SLC26A2: variants seen among roughly 807,000 people sequenced by gnomAD.
SLC26A2 encodes solute carrier family 26 member 2.
In SLC26A2, 36 loss-of-function variants were observed where a neutral mutation model predicts 41.1. The observed-to-expected ratio is 0.88, with a 90% CI of 0.67 to 1.16. The LOEUF is 1.16. SLC26A2 is among the 50% of genes most tolerant of loss of function. SLC26A2 has a pLI of 0.00. For missense variants in SLC26A2, 796 were observed against 869.6 expected, an observed-to-expected ratio of 0.92 and a Z score of 1.07; for synonymous variants, 291 against 311.6, an observed-to-expected ratio of 0.93 and a Z score of 0.70.
intron 1 of SLC26A2, among the ~76,000 whole-genome samples, chr5:149,973,959 C>T (rs1346056898): frequency 6.6e-6 from 1 of 152,030 alleles, no homozygotes; most frequent in Non-Finnish European, 1.5e-5. Flanking sequence ...GCCTGGGGAG[C>T]TTAGTAGCAA....
chr5:149,976,859 G>A (rs910675428), intron 1 of SLC26A2, among the ~76,000 whole-genome samples: 5 of 152,102 alleles, frequency 3.3e-5, no homozygotes, highest in Admixed American at 6.6e-5. Flanking sequence ...ATGAATGTAG[G>A]CCCTGCCCAC....
chr5:149,964,232 C>T (rs371344844), intron 1 of SLC26A2, among the ~76,000 whole-genome samples: 1 of 152,146 alleles, frequency 6.6e-6, no homozygotes, highest in Non-Finnish European at 1.5e-5. Context: ...TTGCTCATGC[C>T]TATAATCCCA....
intron 2 of SLC26A2, 31 bp downstream of exon 2, chr5:149,978,382 T>C (rs746930905): frequency 1.3e-6 from 2 of 1,500,194 alleles, no homozygotes; most frequent in Non-Finnish European, 1.8e-6. Flanking sequence ...TGGTTATTTC[T>C]AGAAAAGTAA....
chr5:149,975,279 T>C (rs781460844), intron 1 of SLC26A2, among the ~76,000 whole-genome samples: 8 of 152,220 alleles, frequency 5.3e-5, no homozygotes, highest in African/African-American at 1.9e-4. Context: ...ATTCATCATC[T>C]CTGTTACTGT....
At chr5:149,965,198 T>C (rs184404852) in intron 1 of SLC26A2, among the ~76,000 whole-genome samples, 2 of 152,246 alleles carry the variant, frequency 1.3e-5, no homozygotes, top group East Asian at 1.9e-4. Context: ...ACAAGCTGTG[T>C]GTGGCTGGGC....
At chr5:149,978,386 AAAGT>A in intron 2 of SLC26A2, 35 bp downstream of exon 2, 1 of 1,451,694 alleles carries the variant, frequency 6.9e-7, no homozygotes, top group Non-Finnish European at 9.6e-7. Context: ...TATTTCTAGA[AAAGT>A]AATCTAGTAC....
chr5:149,967,836 ACCT>A (rs1754831411), intron 1 of SLC26A2, among the ~76,000 whole-genome samples: 1 of 151,714 alleles, frequency 6.6e-6, no homozygotes, highest in Admixed American at 6.6e-5. Flanking sequence ...TTCAACCTTG[ACCT>A]CCTTGGCTCA....
chr5:149,964,813 A>G (rs1754776291), intron 1 of SLC26A2, among the ~76,000 whole-genome samples: 1 of 152,096 alleles, frequency 6.6e-6, no homozygotes, highest in Non-Finnish European at 1.5e-5. Context: ...TAGGTTCAAT[A>G]TTAGAGGAAA....
chr5:149,965,160 G>T (rs912605527), intron 1 of SLC26A2, among the ~76,000 whole-genome samples: 2 of 152,146 alleles, frequency 1.3e-5, no homozygotes, highest in East Asian at 1.9e-4. Context: ...AATCAGGCAG[G>T]CTTGTTCAAG....
chr5:149,978,702 T>G (rs902477936), intron 2 of SLC26A2, among the ~76,000 whole-genome samples: 1 of 151,704 alleles, frequency 6.6e-6, no homozygotes, highest in Non-Finnish European at 1.5e-5. Context: ...ACTTTTTTTT[T>G]TTTTCTGGAG....
chr5:149,977,012 A>C (rs1755003650), intron 1 of SLC26A2, among the ~76,000 whole-genome samples: 1 of 152,210 alleles, frequency 6.6e-6, no homozygotes, highest in African/African-American at 2.4e-5. Context: ...TTTCCTACCA[A>C]GCAAGGGAGT....
intron 1 of SLC26A2, among the ~76,000 whole-genome samples, chr5:149,968,511 C>T (rs923139545): frequency 1.3e-5 from 2 of 149,850 alleles, no homozygotes; most frequent in Admixed American, 6.6e-5. Context: ...CCTGGGTTCA[C>T]GCCATTCTCT....
Position 149,960,833 on chromosome 5 carries a change from C to G in SLC26A2, c.-172C>G, listed in dbSNP as rs1023019875. The G allele has an allele frequency of 1.0e-4, 16 of 152,500 alleles. No individual in the cohort carries two copies. The highest frequency in any genetic ancestry group is 3.8e-4 in the African/African-American group (16 of 41,590). 9.4% of individuals were successfully genotyped at this position (152,500 alleles called of 1,614,324 possible). A position where few individuals can be genotyped will look rare whatever the true frequency, so the allele number is the denominator to read the frequency against. ...CGCCCGTAGGTCCCGGCAGCCGGGC[C>G]CCGCCTCCTTCGGAGTCCGAGCGAT... On this transcript the variant is annotated 5_prime_UTR_variant, in exon 1 of 3. Transcript: ENST00000286298.
In SLC26A2 at chr5:149,972,722, T is replaced by A. The variant is rs898757638; in HGVS notation, c.-25-4906T>A. ...TAGACAGCATATACTTGGGTCTTAT[T>A]TTTTAATCCTATCTGACAGTCTCCA... On this transcript the variant is annotated intron_variant, in intron 1 of 2. Coordinates refer to ENST00000286298, the MANE Select transcript of SLC26A2 (RefSeq NM_000112.4). Among the ~76,000 whole-genome samples, 5 of 152,218 alleles carry A rather than the reference T, an allele frequency of 3.3e-5. 1 individual carries two copies. The highest frequency in any genetic ancestry group is 2.0e-4 in the Admixed American group (3 of 15,280).
chr5:149,973,603 A>C (rs547939987), intron 1 of SLC26A2, among the ~76,000 whole-genome samples: 1 of 150,948 alleles, frequency 6.6e-6, no homozygotes, highest in East Asian at 2.0e-4. Context: ...AAATCCTCTC[A>C]GTGTTTATCT....
At chr5:149,970,484 C>G (rs1055007915) in intron 1 of SLC26A2, among the ~76,000 whole-genome samples, 1 of 152,080 alleles carries the variant, frequency 6.6e-6, no homozygotes, top group Non-Finnish European at 1.5e-5. Context: ...GCACTCTAAC[C>G]TGAGTGACAG....
chr5:149,977,851 A>C lies in SLC26A2; in HGVS notation c.199A>C (p.Lys67Gln). 3.7e-6 allele frequency: 6 copies of C among 1,613,688 alleles called. No homozygotes were observed. Among genetic ancestry groups the C allele is most frequent in the Non-Finnish European group, 4.2e-6 (5 of 1,179,548 alleles). Residue 67 changes from lysine to glutamine, a missense_variant, in exon 2 of 3, where the codon AAG becomes CAG. Coordinates refer to ENST00000286298, the MANE Select transcript of SLC26A2 (RefSeq NM_000112.4). The stretch of plus-strand genomic sequence containing the variant: ...TCAAGAGAAATCAGATACAAACTTC[A>C]AGGAGTTTGTTATTAAAAAGCTGCA... ...ERQEKSDTNF[K>Q]EFVIKKLQKN...
In SLC26A2 at chr5:149,978,222, T is replaced by C; in HGVS notation, c.570T>C (p.Ser190=). The C allele has an allele frequency of 6.2e-7, 1 of 1,614,136 alleles. No homozygotes were observed. The highest frequency in any genetic ancestry group is 8.5e-7 in the Non-Finnish European group (1 of 1,179,988). The change falls in exon 2 of 3, where the codon AGT becomes AGC. Residue 190 remains serine, a synonymous_variant. Coordinates refer to ENST00000286298, the MANE Select transcript of SLC26A2 (RefSeq NM_000112.4). The stretch of plus-strand genomic sequence containing the variant: ...AAGCTGGCTATGACAATGCCCATAG[T>C]GCTCCTTCCTTAGGAATGGTTTCAA... ...LQKAGYDNAH[S]APSLGMVSNG...
chr5:149,980,873 T>A lies in SLC26A2; in HGVS notation c.1280T>A (p.Ile427Asn), dbSNP rs762593639. The A allele has an allele frequency of 6.2e-7, 1 of 1,614,112 alleles. No individual in the cohort carries two copies. The highest frequency in any genetic ancestry group is 8.5e-7 in the Non-Finnish European group (1 of 1,179,964). ...TATGCCATTGGCTTTTGTAATATCA[T>A]CCCTTCCTTCTTCCACTGTTTTACT... ...EMYAIGFCNIIPSFFHCFTTS... is the reference protein window; with the variant it reads ...EMYAIGFCNINPSFFHCFTTS... Residue 427 changes from isoleucine to asparagine, a missense_variant, in exon 3 of 3, where the codon ATC becomes AAC. Ile to Asn is a moderately radical substitution (Grantham distance 149). Coordinates refer to ENST00000286298, the MANE Select transcript of SLC26A2 (RefSeq NM_000112.4).
Sources: gnomAD v4.1 joint callset for allele counts (sites outside exome capture counted in the v4.1 genomes callset) on GRCh38, gnomAD v4.1.1 for gene constraint, MANE v1.5 for transcripts, NCBI Gene and HGNC (gene_info 2026-07-23, HGNC 2026-07-21) for gene names.